The following ASIC2 variants were observed in gnomAD, a reference collection of about 807,000 sequenced individuals.
ASIC2 encodes acid sensing ion channel subunit 2.
ASIC2 carries 25 observed loss-of-function variants against 57.3 expected under a neutral mutation model. That is an observed-to-expected ratio of 0.44 (90% CI 0.32 to 0.61). ASIC2 has a LOEUF of 0.61. Ranked by LOEUF, ASIC2 falls within the 20% of genes least tolerant of loss-of-function variation. The probability of loss-of-function intolerance (pLI) is 0.06; values close to 1 mark genes in which losing one functional copy is unlikely to be tolerated. For missense variants in ASIC2, 641 were observed against 738.1 expected, an observed-to-expected ratio of 0.87 and a Z score of 1.52; for synonymous variants, 319 against 307.5, an observed-to-expected ratio of 1.04 and a Z score of -0.39.
intron 2 of ASIC2, among the ~76,000 whole-genome samples, chr17:33,098,495 A>C (rs187054892): frequency 6.6e-6 from 1 of 152,280 alleles, no homozygotes; most frequent in African/African-American, 2.4e-5. Flanking sequence ...AAAAAAAATC[A>C]ACATTGTGTC....
At chr17:33,894,150 G>C (rs1915030439) in intron 1 of ASIC2, among the ~76,000 whole-genome samples, 1 of 152,212 alleles carries the variant, frequency 6.6e-6, no homozygotes, top group South Asian at 2.1e-4. Flanking sequence ...AGGGCTTGAT[G>C]AACCCCCTTA....
intron 1 of ASIC2, chr17:33,936,558 A>G (rs2141975462): frequency 1.3e-5 from 2 of 152,328 alleles, no homozygotes; most frequent in South Asian, 4.1e-4. Flanking sequence ...CAGAAGGGAA[A>G]CTACTCCTCT....
chr17:33,593,866 T>A (rs1904903578), intron 1 of ASIC2, among the ~76,000 whole-genome samples: 1 of 152,228 alleles, frequency 6.6e-6, no homozygotes, highest in Non-Finnish European at 1.5e-5. Context: ...CTGAAGATTA[T>A]TCTCAGTATC....
chr17:34,028,616 A>G (rs1907467297), intron 1 of ASIC2, among the ~76,000 whole-genome samples: 1 of 152,228 alleles, frequency 6.6e-6, no homozygotes, highest in South Asian at 2.1e-4. Flanking sequence ...ACCAGCAGCC[A>G]TTCACCACAG....
At chr17:33,579,594 G>C (rs1042999639) in intron 1 of ASIC2, among the ~76,000 whole-genome samples, 2 of 151,832 alleles carry the variant, frequency 1.3e-5, no homozygotes, top group Non-Finnish European at 2.9e-5. Flanking sequence ...TCTTAAAGAT[G>C]GTGTGTCGGG....
intron 1 of ASIC2, among the ~76,000 whole-genome samples, chr17:34,137,264 G>T (rs1268755986): frequency 6.6e-6 from 1 of 152,190 alleles, no homozygotes; most frequent in Non-Finnish European, 1.5e-5. Flanking sequence ...TGGACATCAG[G>T]TTGAATTAAC....
At chr17:33,679,269 C>T (rs1907924428) in intron 1 of ASIC2, among the ~76,000 whole-genome samples, 1 of 152,172 alleles carries the variant, frequency 6.6e-6, no homozygotes, top group South Asian at 2.1e-4. Flanking sequence ...AGCACTAACC[C>T]TCTTGCCCCC....
chr17:34,011,715 C>T (rs1044321623), intron 1 of ASIC2, among the ~76,000 whole-genome samples: 2 of 152,172 alleles, frequency 1.3e-5, no homozygotes, highest in African/African-American at 2.4e-5. Flanking sequence ...GGCTAATTGC[C>T]AAATCAAATG....
intron 1 of ASIC2, among the ~76,000 whole-genome samples, chr17:33,466,131 T>G (rs2141916151): frequency 6.6e-6 from 1 of 152,304 alleles, no homozygotes; most frequent in East Asian, 1.9e-4. Flanking sequence ...GATAAGCAAC[T>G]TCAGCAAAGT....
chr17:33,034,464 T>G (rs921605438), intron 3 of ASIC2, among the ~76,000 whole-genome samples: 2 of 152,176 alleles, frequency 1.3e-5, no homozygotes, highest in African/African-American at 4.8e-5. Flanking sequence ...GCCACTGCAC[T>G]CCAGCCTGGG....
intron 1 of ASIC2, among the ~76,000 whole-genome samples, chr17:33,688,602 T>G (rs1042142971): frequency 6.6e-6 from 1 of 152,180 alleles, no homozygotes; most frequent in Non-Finnish European, 1.5e-5. Context: ...TAAAATTACT[T>G]ACCTGATAAT....
chr17:33,511,013 G>A (rs1187065606), intron 1 of ASIC2, among the ~76,000 whole-genome samples: 1 of 152,162 alleles, frequency 6.6e-6, no homozygotes, highest in Non-Finnish European at 1.5e-5. Context: ...AATTATTACA[G>A]ATTTTCACAT....
intron 1 of ASIC2, among the ~76,000 whole-genome samples, chr17:33,947,435 A>C (rs1208939135): frequency 6.6e-6 from 1 of 152,176 alleles, no homozygotes; most frequent in Non-Finnish European, 1.5e-5. Flanking sequence ...CTCTAATAAG[A>C]CTCATGTACA....
intron 1 of ASIC2, among the ~76,000 whole-genome samples, chr17:33,147,095 T>C (rs1245062804): frequency 6.6e-6 from 1 of 152,194 alleles, no homozygotes; most frequent in African/African-American, 2.4e-5. Flanking sequence ...AACTATCAAG[T>C]CTGGGTAAGG....
intron 1 of ASIC2, among the ~76,000 whole-genome samples, chr17:33,737,493 A>G (rs1336930588): frequency 2.0e-5 from 2 of 97,972 alleles, no homozygotes; most frequent in East Asian, 4.5e-4. Flanking sequence ...AAATATTTTT[A>G]ATCTGGTTTA....
chr17:33,670,803 A>C (rs1907616311), intron 1 of ASIC2, among the ~76,000 whole-genome samples: 1 of 152,212 alleles, frequency 6.6e-6, no homozygotes, highest in East Asian at 1.9e-4. Context: ...CCCCAGGTAA[A>C]TGTGCACCAG....
rs180689401 is a variant in ASIC2, at chr17:33,632,877, C to T, written c.556-520810G>A. Among the ~76,000 whole-genome samples the T allele has an allele frequency of 5.5e-4, 84 of 152,296 alleles. No homozygotes were observed. In the South Asian group the frequency reaches 8.3e-3, roughly 15 times the overall value. On this transcript the variant is annotated intron_variant, in intron 1 of 9. Coordinates refer to the ASIC2 transcript ENST00000359872. ...CTTTCTACTTGTAGATGACATTGTG[C>T]CAAGAGTTCTCTGTAAGTGCTCTAA...
chr17:33,759,775 C>T (rs1432054382), intron 1 of ASIC2, among the ~76,000 whole-genome samples: 1 of 152,192 alleles, frequency 6.6e-6, no homozygotes, highest in Non-Finnish European at 1.5e-5. Flanking sequence ...TGTGCTGCCG[C>T]TCTAGAAGGT....
intron 1 of ASIC2, among the ~76,000 whole-genome samples, chr17:34,130,754 T>C (rs1350667692): frequency 6.6e-6 from 1 of 152,228 alleles, no homozygotes; most frequent in Non-Finnish European, 1.5e-5. Context: ...TTTGCATAAC[T>C]AGTGCATCCC....
Sources: allele counts gnomAD v4.1 joint callset (sites outside exome capture counted in the v4.1 genomes callset), GRCh38; gene constraint gnomAD v4.1.1; transcripts MANE v1.5; gene names NCBI Gene and HGNC (gene_info 2026-07-23, HGNC 2026-07-21).